Variants in SPAG16 observed in about 807,000 individuals in gnomAD.
SPAG16 encodes sperm associated antigen 16.
In SPAG16, 86 loss-of-function variants were observed where a neutral mutation model predicts 80.4. The observed-to-expected ratio is 1.07, with a 90% confidence interval of 0.90 to 1.28. SPAG16 has a LOEUF of 1.28. Ranked by LOEUF, SPAG16 falls within the 50% of genes most tolerant of loss-of-function variation. The probability of loss-of-function intolerance (pLI) is 0.00; values close to 1 mark genes in which losing one functional copy is unlikely to be tolerated. For synonymous variants in SPAG16, 294 were observed against 265.9 expected, an observed-to-expected ratio of 1.11 and a Z score of -1.03; for missense variants, 870 against 765.3, an observed-to-expected ratio of 1.14 and a Z score of -1.61.
intron 10 of SPAG16, among the ~76,000 whole-genome samples, chr2:213,778,291 T>C (rs1380035214): frequency 1.3e-5 from 2 of 152,158 alleles, no homozygotes; most frequent in Admixed American, 1.3e-4. Flanking sequence ...AATAAGAAAG[T>C]CATACCTAGA....
chr2:214,054,838 T>C (rs2049850558), intron 13 of SPAG16, among the ~76,000 whole-genome samples: 1 of 152,190 alleles, frequency 6.6e-6, no homozygotes, highest in Non-Finnish European at 1.5e-5. Context: ...TTTATTATCA[T>C]GAAGAATTTA....
intron 12 of SPAG16, among the ~76,000 whole-genome samples, chr2:213,970,599 C>T (rs923072166): frequency 3.6e-4 from 55 of 152,198 alleles, no homozygotes; most frequent in African/African-American, 1.2e-3. Context: ...CCACATCTGG[C>T]GAAGTAATGC....
intron 13 of SPAG16, 140 bp from the exon 14 acceptor site, chr2:214,108,056 G>T: frequency 1.6e-6 from 1 of 611,208 alleles, no homozygotes; most frequent in East Asian, 2.8e-5. Flanking sequence ...GATAGCAAAA[G>T]CTAGAATTTT....
chr2:213,841,790 A>G (rs752662299), intron 10 of SPAG16, among the ~76,000 whole-genome samples: 8 of 152,138 alleles, frequency 5.3e-5, no homozygotes, highest in South Asian at 2.1e-4. Flanking sequence ...CTGTATATCA[A>G]TGTTTTGGGG....
intron 15 of SPAG16, among the ~76,000 whole-genome samples, chr2:214,195,236 A>G (rs955016270): frequency 7.5e-6 from 1 of 133,034 alleles, no homozygotes. Flanking sequence ...AAGAGTTAAA[A>G]ATGTAGGAAA....
At chr2:213,532,301 T>C (rs1410286003) in intron 10 of SPAG16, among the ~76,000 whole-genome samples, 4 of 152,210 alleles carry the variant, frequency 2.6e-5, no homozygotes, top group African/African-American at 7.2e-5. Context: ...ATTGTCACAC[T>C]ACTTTGGCCT....
chr2:213,992,850 G>A (rs2046350651), intron 12 of SPAG16, among the ~76,000 whole-genome samples: 1 of 152,164 alleles, frequency 6.6e-6, no homozygotes, highest in Admixed American at 6.5e-5. Flanking sequence ...TAATACAGAT[G>A]TCTAATAGGC....
chr2:214,193,311 AC>A (rs1185337319), intron 15 of SPAG16, among the ~76,000 whole-genome samples: 3 of 151,904 alleles, frequency 2.0e-5, no homozygotes, highest in Non-Finnish European at 4.4e-5. Context: ...CTCTACTAGA[AC>A]TGCTGCACCA....
chr2:214,408,696 T>C (rs146839000), intron 15 of SPAG16, among the ~76,000 whole-genome samples: 36 of 152,294 alleles, frequency 2.4e-4, no homozygotes, highest in African/African-American at 8.4e-4. Flanking sequence ...ATTTTCACAA[T>C]ATATCACTTA....
intron 12 of SPAG16, among the ~76,000 whole-genome samples, chr2:213,961,931 T>C (rs1252321133): frequency 6.6e-6 from 1 of 152,244 alleles, no homozygotes; most frequent in Non-Finnish European, 1.5e-5. Context: ...CTCTTGTATT[T>C]TTTGGAAAGT....
intron 12 of SPAG16, among the ~76,000 whole-genome samples, chr2:213,998,215 G>A (rs2124850503): frequency 6.6e-6 from 1 of 152,200 alleles, no homozygotes; most frequent in South Asian, 2.1e-4. Context: ...GTTAAATACT[G>A]GGAAGTGATA....
intron 15 of SPAG16, among the ~76,000 whole-genome samples, chr2:214,289,376 T>C (rs10191619): frequency 0.16 from 24,464 of 152,200 alleles, 2,264 homozygotes; most frequent in Middle Eastern, 0.23. Context: ...CCAGGTCTAA[T>C]GTTTAAGTTT....
intron 14 of SPAG16, among the ~76,000 whole-genome samples, chr2:214,114,080 T>C (rs2053812400): frequency 6.6e-6 from 1 of 152,164 alleles, no homozygotes; most frequent in African/African-American, 2.4e-5. Flanking sequence ...GACAGTCAGG[T>C]CCCTCAGCTG....
intron 5 of SPAG16, among the ~76,000 whole-genome samples, chr2:213,337,092 A>G (rs996221393): frequency 6.6e-6 from 1 of 152,132 alleles, no homozygotes; most frequent in Non-Finnish European, 1.5e-5. Flanking sequence ...CCAGGCAAAT[A>G]GGGTCTAGAG....
chr2:214,175,127 A>G (rs2057024876), intron 15 of SPAG16, among the ~76,000 whole-genome samples: 1 of 151,010 alleles, frequency 6.6e-6, no homozygotes, highest in Admixed American at 6.6e-5. Context: ...AGAAAGAAAT[A>G]GATTAGAAGG....
chr2:214,084,745 A>C (rs2051609481), intron 13 of SPAG16, among the ~76,000 whole-genome samples: 1 of 152,202 alleles, frequency 6.6e-6, no homozygotes, highest in African/African-American at 2.4e-5. Flanking sequence ...TTATTTCCTA[A>C]TGACTCAGGC....
chr2:213,787,908 A>G (rs909694802), intron 10 of SPAG16, among the ~76,000 whole-genome samples: 1 of 152,056 alleles, frequency 6.6e-6, no homozygotes, highest in African/African-American at 2.4e-5. Context: ...CGTGAAAACT[A>G]TATATTTGAA....
chr2:213,985,030 T>C (rs1028386199), intron 12 of SPAG16, among the ~76,000 whole-genome samples: 3 of 152,140 alleles, frequency 2.0e-5, no homozygotes, highest in African/African-American at 7.2e-5. Context: ...ATGTCTTAAA[T>C]ATGTATTTGC....
At chr2:213,616,452 A>C (rs113200149) in intron 10 of SPAG16, among the ~76,000 whole-genome samples, 3,132 of 152,312 alleles carry the variant, frequency 0.021, 46 homozygotes, top group Middle Eastern at 0.051. Context: ...AAACAACAAC[A>C]AGCATAGCTA....
Sources: gnomAD v4.1 joint callset for allele counts (sites outside exome capture counted in the v4.1 genomes callset) on GRCh38, gnomAD v4.1.1 for gene constraint, MANE v1.5 for transcripts, NCBI Gene and HGNC (gene_info 2026-07-23, HGNC 2026-07-21) for gene names.